The following BMERB1 variants were observed in gnomAD, a reference collection of about 807,000 sequenced individuals.
BMERB1 encodes the protein bMERB domain containing 1, also known as bMERB domain-containing protein 1.
BMERB1 carries 12 observed loss-of-function variants against 23.6 expected under a neutral mutation model. The observed-to-expected ratio is 0.51, with a 90% CI of 0.33 to 0.82. The LOEUF (loss-of-function observed/expected upper bound fraction) is 0.82, where lower values mean the gene tolerates loss of function less well. Ranked by LOEUF, BMERB1 falls within the 40% of genes least tolerant of loss-of-function variation. The probability of loss-of-function intolerance (pLI) is 0.03; values close to 1 mark genes in which losing one functional copy is unlikely to be tolerated. For synonymous variants in BMERB1, 122 were observed against 96.6 expected (o/e 1.26, Z -1.54); for missense variants, 247 against 255.4 (o/e 0.97, Z 0.22).
intron 1 of BMERB1, among the ~76,000 whole-genome samples, chr16:15,442,995 C>T (rs1024673247): frequency 6.6e-6 from 1 of 152,184 alleles, no homozygotes; most frequent in African/African-American, 2.4e-5. Flanking sequence ...CACTTGTAAT[C>T]CCAGCACTTT....
intron 2 of BMERB1, among the ~76,000 whole-genome samples, chr16:15,546,178 C>T (rs557534566): frequency 6.6e-6 from 1 of 152,250 alleles, no homozygotes; most frequent in South Asian, 2.1e-4. Flanking sequence ...TTTCCAGCCA[C>T]TCAGGAGGCT....
At chr16:15,527,474 G>A (rs893320030) in intron 2 of BMERB1, among the ~76,000 whole-genome samples, 12 of 152,080 alleles carry the variant, frequency 7.9e-5, no homozygotes, top group Admixed American at 2.0e-4. Flanking sequence ...GCGTGGTGGC[G>A]CACACCTGTA....
chr16:15,588,243 A>C lies in BMERB1; in HGVS notation c.*1414A>C, dbSNP rs987718156. On this transcript the variant is annotated 3_prime_UTR_variant, in exon 6 of 6. Coordinates refer to ENST00000300006, the MANE Select transcript of BMERB1 (RefSeq NM_033201.3). Reference sequence around the variant, plus strand: ...ATTAAAAGCTCTTTGTAAACATTAAACACTCTTCATAAATCATGCCAATGT... The same window carrying C: ...ATTAAAAGCTCTTTGTAAACATTAACCACTCTTCATAAATCATGCCAATGT... 1 of 152,216 alleles carries C rather than the reference A, an allele frequency of 6.6e-6. No homozygotes were observed. The highest frequency in any genetic ancestry group is 2.4e-5 in the African/African-American group (1 of 41,450). The allele number at this position is 152,216 out of a possible 1,614,324, so 9.4% of individuals were successfully genotyped here.
Position 15,462,904 on chromosome 16 carries a change from C to T in BMERB1, c.106+28145C>T, listed in dbSNP as rs1362036226. On this transcript the variant is annotated intron_variant, in intron 1 of 5. Coordinates refer to ENST00000300006, the MANE Select transcript of BMERB1 (RefSeq NM_033201.3). ...CTCTGTTGTCAAGGAAGTCCAACGCCACCAGCACTAGATCCTTCAACAATG... is the reference window on the plus strand; with the variant it reads ...CTCTGTTGTCAAGGAAGTCCAACGCTACCAGCACTAGATCCTTCAACAATG... Among the ~76,000 whole-genome samples, 3 of 152,092 alleles carry T rather than the reference C, an allele frequency of 2.0e-5. No homozygotes were observed. The East Asian group carries it at 5.8e-4, about 29-fold the overall frequency.
intron 3 of BMERB1, chr16:15,577,366 A>G (rs997257464): frequency 7.9e-5 from 12 of 152,206 alleles, no homozygotes; most frequent in African/African-American, 2.7e-4. Flanking sequence ...ATCTGCCTAA[A>G]TAATTTCTTC....
intron 1 of BMERB1, among the ~76,000 whole-genome samples, chr16:15,468,477 T>C (rs1240567288): frequency 6.6e-6 from 1 of 151,586 alleles, no homozygotes; most frequent in Non-Finnish European, 1.5e-5. Flanking sequence ...ACTTAAAGAG[T>C]CTGTTCTATT....
intron 2 of BMERB1, among the ~76,000 whole-genome samples, chr16:15,524,559 G>A (rs2051887617): frequency 6.6e-6 from 1 of 152,140 alleles, no homozygotes; most frequent in African/African-American, 2.4e-5. Context: ...CCTGAAATCA[G>A]GAGTTCCAGA....
intron 2 of BMERB1, among the ~76,000 whole-genome samples, chr16:15,556,615 C>T (rs2030266368): frequency 6.6e-6 from 1 of 152,104 alleles, no homozygotes; most frequent in Non-Finnish European, 1.5e-5. Context: ...GAGACGGAGT[C>T]TCGCTCTGTT....
At chr16:15,522,592 T>G (rs2051866477) in intron 2 of BMERB1, among the ~76,000 whole-genome samples, 1 of 152,224 alleles carries the variant, frequency 6.6e-6, no homozygotes. Flanking sequence ...GCCTTTATTT[T>G]ATAGATGAGG....
chr16:15,567,758 G>A (rs916842105), intron 2 of BMERB1, among the ~76,000 whole-genome samples: 34 of 152,060 alleles, frequency 2.2e-4, no homozygotes, highest in African/African-American at 7.3e-4. Flanking sequence ...GTGAGACTCT[G>A]TCACAAACAA....
In BMERB1 at chr16:15,498,684, G is replaced by A. The variant is rs770359729; in HGVS notation, c.107-16621G>A. Among the ~76,000 whole-genome samples the A allele has an allele frequency of 2.6e-5, 4 of 151,740 alleles. No homozygotes were observed. In the South Asian group the frequency reaches 8.3e-4, roughly 32 times the overall value. On this transcript the variant is annotated intron_variant, in intron 1 of 5. Transcript: ENST00000300006. ...TGGAACTAAGGAAGGAAGAAAGGAGGAAAGAAAGAAAAAGGAAGGAAAAGA... is the reference window on the plus strand; with the variant it reads ...TGGAACTAAGGAAGGAAGAAAGGAGAAAAGAAAGAAAAAGGAAGGAAAAGA...
intron 3 of BMERB1, among the ~76,000 whole-genome samples, chr16:15,572,391 T>C (rs532559303): frequency 6.6e-6 from 1 of 152,300 alleles, no homozygotes; most frequent in African/African-American, 2.4e-5. Flanking sequence ...CAGCACTGTG[T>C]AGGCCCTAAG....
chr16:15,453,539 G>A (rs2051059508), intron 1 of BMERB1, among the ~76,000 whole-genome samples: 1 of 152,110 alleles, frequency 6.6e-6, no homozygotes, highest in Non-Finnish European at 1.5e-5. Flanking sequence ...CCAAGACTGT[G>A]CCACTGCACT....
chr16:15,482,893 G>A (rs1598464003), intron 1 of BMERB1, among the ~76,000 whole-genome samples: 1 of 152,072 alleles, frequency 6.6e-6, no homozygotes, highest in Non-Finnish European at 1.5e-5. Context: ...TGACCATTCA[G>A]TGGGGGAGAT....
At chr16:15,441,758 G>A (rs1396727252) in intron 1 of BMERB1, among the ~76,000 whole-genome samples, 4 of 152,082 alleles carry the variant, frequency 2.6e-5, no homozygotes, top group Non-Finnish European at 4.4e-5. Flanking sequence ...GGGCTCAAAA[G>A]CAATCTGCCT....
intron 1 of BMERB1, among the ~76,000 whole-genome samples, chr16:15,444,281 C>G (rs1000961257): frequency 3.3e-5 from 5 of 151,638 alleles, no homozygotes; most frequent in African/African-American, 1.2e-4. Context: ...CAAGTTCCCC[C>G]AAAAGATAGA....
At chr16:15,495,037 C>T (rs1276194061) in intron 1 of BMERB1, among the ~76,000 whole-genome samples, 3 of 151,358 alleles carry the variant, frequency 2.0e-5, no homozygotes, top group Non-Finnish European at 4.4e-5. Flanking sequence ...GCATGCGCCA[C>T]CACCCCTGGC....
At chr16:15,492,405 C>A (rs1567467427) in intron 1 of BMERB1, among the ~76,000 whole-genome samples, 1 of 152,154 alleles carries the variant, frequency 6.6e-6, no homozygotes. Context: ...GCATCTTTTT[C>A]TTTAATTATA....
At chr16:15,498,303 G>A (rs1411369497) in intron 1 of BMERB1, among the ~76,000 whole-genome samples, 1 of 152,148 alleles carries the variant, frequency 6.6e-6, no homozygotes, top group African/African-American at 2.4e-5. Flanking sequence ...TTGGGGGTCT[G>A]AGATGGGAGG....
Sources: gnomAD v4.1 joint callset for allele counts (sites outside exome capture counted in the v4.1 genomes callset) on GRCh38, gnomAD v4.1.1 for gene constraint, MANE v1.5 for transcripts, NCBI Gene and HGNC (gene_info 2026-07-23, HGNC 2026-07-21) for gene names.